Variants in RIMBP2 observed in about 807,000 individuals in gnomAD.
RIMBP2 encodes RIMS-binding protein 2.
In RIMBP2, 48 loss-of-function variants were observed where a neutral mutation model predicts 118.6. That is an observed-to-expected ratio of 0.40 (90% CI 0.32 to 0.51). The LOEUF is 0.51. Ranked by LOEUF, RIMBP2 falls within the 20% of genes least tolerant of loss-of-function variation. The pLI, the probability that RIMBP2 is intolerant of heterozygous loss-of-function variation, is 0.41. For missense variants in RIMBP2, 1,551 were observed against 1,768.3 expected (o/e 0.88, Z 2.20); for synonymous variants, 762 against 742.9 (o/e 1.03, Z -0.42).
chr12:130,548,094 G>T (rs78026703), intron 2 of RIMBP2, among the ~76,000 whole-genome samples: 2,775 of 152,184 alleles, frequency 0.018, 39 homozygotes, highest in Non-Finnish European at 0.027. Context: ...AGACCAAAAT[G>T]TACTCTCATT....
At chr12:130,540,796 G>A (rs570725774) in intron 2 of RIMBP2, among the ~76,000 whole-genome samples, 9 of 152,244 alleles carry the variant, frequency 5.9e-5, no homozygotes, top group East Asian at 1.9e-4. Context: ...CAATACTGAC[G>A]GTCTCAGTGA....
intron 1 of RIMBP2, among the ~76,000 whole-genome samples, chr12:130,684,196 A>G (rs527821624): frequency 8.5e-4 from 130 of 152,272 alleles, no homozygotes; most frequent in African/African-American, 3.0e-3. Flanking sequence ...CCAACTGCCA[A>G]TCAGAAAATT....
Position 130,446,935 on chromosome 12 carries a change from G to A in RIMBP2, c.582-1666C>T, listed in dbSNP as rs1450224926. The stretch of plus-strand genomic sequence containing the variant: ...GGCTGCAGGGATGAGGGACTGAGGT[G>A]CAGGAGGACCCTCGGCTTTCTGGCC... On this transcript the variant is annotated intron_variant, in intron 9 of 22. Transcript: ENST00000690449. The surrounding 1 kb of genome is among the most constrained non-coding windows in gnomAD (Gnocchi z 4.1). Among the ~76,000 whole-genome samples the A allele has an allele frequency of 6.6e-6, 1 of 151,698 alleles. No homozygotes were observed. Among genetic ancestry groups the A allele is most frequent in the East Asian group, 1.9e-4 (1 of 5,150 alleles).
intron 6 of RIMBP2, chr12:130,470,359 C>T (rs1302188464): frequency 2.7e-5 from 7 of 255,148 alleles, no homozygotes; most frequent in African/African-American, 4.4e-5. Flanking sequence ...CACAAGCAAG[C>T]GAGTGAGCCA....
chr12:130,602,525 G>A (rs750116362), intron 2 of RIMBP2, among the ~76,000 whole-genome samples: 4 of 152,218 alleles, frequency 2.6e-5, no homozygotes, highest in Non-Finnish European at 5.9e-5. Context: ...GTGTGGCAGC[G>A]CTGGGAGCTG....
At chr12:130,448,113 G>A (rs1311239386) in intron 9 of RIMBP2, among the ~76,000 whole-genome samples, 1 of 146,546 alleles carries the variant, frequency 6.8e-6, no homozygotes, top group Admixed American at 6.9e-5. Context: ...GAGAGAGGGT[G>A]GGTGGTTAAA....
At position 130,397,264 on chromosome 12, in the gene RIMBP2, A is replaced by AGAT. The variant is rs2074135523; in HGVS notation, c.*94_*96dup. On this transcript the variant is annotated 3_prime_UTR_variant, in exon 23 of 23. Coordinates refer to ENST00000690449, the MANE Select transcript of RIMBP2 (RefSeq NM_001393629.1). ...ATTTCTCTACTGGTGTCAGGGGAGA[A>AGAT]GATTGGGTTTTTTTAGGAAGTACTT... The AGAT allele has an allele frequency of 5.0e-6, 2 of 396,104 alleles. No homozygotes were observed. The highest frequency in any genetic ancestry group is 8.9e-6 in the Non-Finnish European group (2 of 224,748). 24.5% of individuals were successfully genotyped at this position (396,104 alleles called of 1,614,324 possible).
At chr12:130,461,199 A>G (rs2079959452) in intron 6 of RIMBP2, among the ~76,000 whole-genome samples, 1 of 152,138 alleles carries the variant, frequency 6.6e-6, no homozygotes, top group Non-Finnish European at 1.5e-5. Flanking sequence ...AGCCTGGCCC[A>G]GGGGTTGTAG....
chr12:130,466,746 A>G (rs1333290719), intron 6 of RIMBP2, among the ~76,000 whole-genome samples: 1 of 152,232 alleles, frequency 6.6e-6, no homozygotes, highest in African/African-American at 2.4e-5. Context: ...TCACCCAGGC[A>G]ATGTAAATTG....
At position 130,620,381 on chromosome 12, in the gene RIMBP2, C is replaced by T. The variant is rs1398437471; in HGVS notation, c.-217+7941G>A. On this transcript the variant is annotated intron_variant, in intron 2 of 22. Coordinates refer to ENST00000690449, the MANE Select transcript of RIMBP2 (RefSeq NM_001393629.1). This position sits in a 1 kb window ranked among gnomAD's most constrained non-coding sequence, Gnocchi z 5.3. The stretch of plus-strand genomic sequence containing the variant: ...ATCCCTGATGCTTCGCTGGCCCTCG[C>T]CATTGGTCCTTCTAGCAAATCCCCT... Among the ~76,000 whole-genome samples the T allele has an allele frequency of 6.6e-6, 1 of 152,196 alleles. No individual in the cohort carries two copies. Among genetic ancestry groups the T allele is most frequent in the East Asian group, 1.9e-4 (1 of 5,186 alleles).
intron 1 of RIMBP2, among the ~76,000 whole-genome samples, chr12:130,693,921 A>G (rs772143403): frequency 1.3e-5 from 2 of 152,128 alleles, no homozygotes; most frequent in Non-Finnish European, 2.9e-5. Flanking sequence ...TTAAGACAGG[A>G]TTGTTGTCAT....
rs193132860 is a variant in RIMBP2, at chr12:130,666,945, G to T, written c.-351-38489C>A. 3.4e-3 allele frequency among the ~76,000 whole-genome samples: 393 copies of T among 116,856 alleles called. 3 individuals carry two copies. Among genetic ancestry groups the T allele is most frequent in the African/African-American group, 0.012 (364 of 31,010 alleles). 76.7% of individuals were successfully genotyped at this position (116,856 alleles called of 152,430 possible). On this transcript the variant is annotated intron_variant, in intron 1 of 22. Coordinates refer to ENST00000690449, the MANE Select transcript of RIMBP2 (RefSeq NM_001393629.1). ...GGGAGGGAAAGAAGGAAAAAAGGGA[G>T]GGAGGAAAGGAGGGAGAGAGGGAAG... is the stretch of plus-strand genomic sequence containing the variant.
At chr12:130,637,279 G>A (rs550571729) in intron 1 of RIMBP2, among the ~76,000 whole-genome samples, 121 of 152,308 alleles carry the variant, frequency 7.9e-4, no homozygotes, top group African/African-American at 2.9e-3. Context: ...TTGCCCCAGT[G>A]GAATGGGAGG....
At chr12:130,548,040 C>T (rs2055349263) in intron 2 of RIMBP2, among the ~76,000 whole-genome samples, 12 of 152,132 alleles carry the variant, frequency 7.9e-5, no homozygotes, top group Admixed American at 7.9e-4. Flanking sequence ...AAAAGCCTGC[C>T]CTGGTCACCC....
intron 1 of RIMBP2, among the ~76,000 whole-genome samples, chr12:130,665,152 T>C (rs776865247): frequency 2.3e-4 from 35 of 151,646 alleles, no homozygotes; most frequent in Non-Finnish European, 5.0e-4. Context: ...AATTCAACCA[T>C]GTGATCAAGT....
chr12:130,664,443 A>ACACACGTGCACG (rs1555320922), intron 1 of RIMBP2, among the ~76,000 whole-genome samples: 2 of 64,616 alleles, frequency 3.1e-5, no homozygotes, highest in Non-Finnish European at 8.4e-5. Context: ...ATGCACGCAC[A>ACACACGTGCACG]CACGCACACA....
At position 130,417,825 on chromosome 12, in the gene RIMBP2, T is replaced by C. The variant is rs2076187748; in HGVS notation, c.3239-3519A>G. On this transcript the variant is annotated intron_variant, in intron 17 of 22. Coordinates refer to ENST00000690449, the MANE Select transcript of RIMBP2 (RefSeq NM_001393629.1). ...ATGTGGATCACTAAACATCATTAGA[T>C]AGATGTGTACATATGTGTATATATG... 2.0e-5 allele frequency among the ~76,000 whole-genome samples: 3 copies of C among 152,074 alleles called. No homozygotes were observed. In the South Asian group the frequency reaches 6.2e-4, roughly 31 times the overall value.
intron 2 of RIMBP2, among the ~76,000 whole-genome samples, chr12:130,584,951 C>G (rs1419089170): frequency 6.6e-6 from 1 of 152,112 alleles, no homozygotes; most frequent in African/African-American, 2.4e-5. Context: ...AATGCAGTGT[C>G]ATGATCATAG....
chr12:130,520,904 T>G (rs1475263835), intron 2 of RIMBP2, among the ~76,000 whole-genome samples: 1 of 152,178 alleles, frequency 6.6e-6, no homozygotes, highest in Non-Finnish European at 1.5e-5. Flanking sequence ...TTTGCCAGAT[T>G]ATGAGCATCC....
Sources: gnomAD v4.1 joint callset for allele counts (sites outside exome capture counted in the v4.1 genomes callset) on GRCh38, gnomAD v4.1.1 for gene constraint, Gnocchi (gnomAD v3.1) non-coding constraint, MANE v1.5 for transcripts, NCBI Gene and HGNC (gene_info 2026-07-23, HGNC 2026-07-21) for gene names.